GLIS1: variants seen among roughly 807,000 people sequenced by gnomAD.
GLIS1 encodes the protein zinc finger protein GLIS1.
A neutral mutation model predicts 63.8 loss-of-function variants in GLIS1; 24 were observed. That is an observed-to-expected ratio of 0.38 (90% CI 0.27 to 0.53). GLIS1 has a LOEUF of 0.53. Among genes scored for constraint, GLIS1 ranks in the 20% least tolerant of loss-of-function variants. GLIS1 has a pLI of 0.85. For missense variants in GLIS1, 1,036 were observed against 1,074.1 expected, an observed-to-expected ratio of 0.96 and a Z score of 0.50; for synonymous variants, 450 against 482.5, an observed-to-expected ratio of 0.93 and a Z score of 0.88.
intron 2 of GLIS1, among the ~76,000 whole-genome samples, chr1:53,682,479 A>T (rs530686937): frequency 4.6e-5 from 7 of 152,362 alleles, no homozygotes; most frequent in Admixed American, 1.3e-4. Flanking sequence ...TTACCTCTCA[A>T]TATGTGTCCC....
At position 53,686,000 on chromosome 1, in the gene GLIS1, T is replaced by A. The variant is rs3006881; in HGVS notation, c.259+51806A>T. On this transcript the variant is annotated intron_variant, in intron 2 of 10. Transcript: ENST00000628545. Reference sequence around the variant, plus strand: ...GAAACCTGCCCTCCCCCTCTGCCCCTGCCCTTCATCTAGTTTCATCTCCCT... The same window carrying A: ...GAAACCTGCCCTCCCCCTCTGCCCCAGCCCTTCATCTAGTTTCATCTCCCT... 7.8e-3 allele frequency among the ~76,000 whole-genome samples: 1,187 copies of A among 152,226 alleles called. 17 individuals carry two copies. Among genetic ancestry groups the A allele is most frequent in the African/African-American group, 0.027 (1,135 of 41,524 alleles).
chr1:53,688,622 C>T (rs532634234), intron 2 of GLIS1: 1 of 152,450 alleles, frequency 6.6e-6, no homozygotes, highest in African/African-American at 2.4e-5. Context: ...GACTGTCTTG[C>T]TTTCCCCAGG....
chr1:53,538,604 A>G (rs1332780475), intron 4 of GLIS1, among the ~76,000 whole-genome samples: 2 of 152,174 alleles, frequency 1.3e-5, no homozygotes, highest in Admixed American at 1.3e-4. Flanking sequence ...CTGGGCCTTC[A>G]TAAGCAGCTG....
intron 2 of GLIS1, among the ~76,000 whole-genome samples, chr1:53,644,766 T>A (rs887505743): frequency 6.6e-6 from 1 of 152,016 alleles, no homozygotes; most frequent in Non-Finnish European, 1.5e-5. Context: ...TCCGGCATCA[T>A]CCCACAGGCC....
intron 2 of GLIS1, among the ~76,000 whole-genome samples, chr1:53,712,091 G>A (rs1646653100): frequency 6.6e-6 from 1 of 152,152 alleles, no homozygotes; most frequent in African/African-American, 2.4e-5. Flanking sequence ...GCCACTGTTT[G>A]ATTTGAGTCC....
intron 7 of GLIS1, among the ~76,000 whole-genome samples, chr1:53,519,039 C>G (rs1302777165): frequency 6.6e-6 from 1 of 152,244 alleles, no homozygotes; most frequent in African/African-American, 2.4e-5. Flanking sequence ...TTCTTTCTGG[C>G]TGAATCAGGA....
At chr1:53,649,212 A>G (rs192409835) in intron 2 of GLIS1, among the ~76,000 whole-genome samples, 4 of 152,342 alleles carry the variant, frequency 2.6e-5, no homozygotes, top group Non-Finnish European at 4.4e-5. Flanking sequence ...GAATTATAAA[A>G]AGTTTAAATG....
intron 2 of GLIS1, among the ~76,000 whole-genome samples, chr1:53,703,768 T>C (rs1393892167): frequency 2.7e-5 from 4 of 150,320 alleles, no homozygotes; most frequent in Non-Finnish European, 5.9e-5. Context: ...ACAAACCTCC[T>C]AACCCAAGGC....
In GLIS1 at chr1:53,568,465, A is replaced by C. The variant is rs1386174914; in HGVS notation, c.1320+25643T>G. On this transcript the variant is annotated intron_variant, in intron 4 of 10. Transcript: ENST00000628545. ...TGAGTTAACGCTGGAATTAGTTAAG[A>C]CTTTGGGGGACTATTGGGAAGGCGT... is the stretch of plus-strand genomic sequence containing the variant. Among the ~76,000 whole-genome samples the C allele has an allele frequency of 2.0e-5, 3 of 152,144 alleles. No homozygotes were observed. The East Asian group carries it at 5.8e-4, about 29-fold the overall frequency.
At chr1:53,530,372 G>T (rs1206149556) in intron 4 of GLIS1, among the ~76,000 whole-genome samples, 1 of 152,206 alleles carries the variant, frequency 6.6e-6, no homozygotes, top group Non-Finnish European at 1.5e-5. Flanking sequence ...GTCCCAGAGA[G>T]GCTTTGGGCA....
chr1:53,689,731 C>T (rs3013773), intron 2 of GLIS1, among the ~76,000 whole-genome samples: 135,656 of 152,130 alleles, frequency 0.89, 61,175 homozygotes, highest in Non-Finnish European at 0.96. Flanking sequence ...ACCAGACCTC[C>T]CCTGTCCAGG....
At chr1:53,583,982 C>T (rs1290053934) in intron 4 of GLIS1, among the ~76,000 whole-genome samples, 1 of 152,214 alleles carries the variant, frequency 6.6e-6, no homozygotes, top group Non-Finnish European at 1.5e-5. Flanking sequence ...CCCAGCACGA[C>T]ACACTAGGCT....
At chr1:53,543,249 T>C (rs947231637) in intron 4 of GLIS1, among the ~76,000 whole-genome samples, 10 of 152,166 alleles carry the variant, frequency 6.6e-5, no homozygotes, top group Non-Finnish European at 1.5e-4. Flanking sequence ...GGGGAAGTGG[T>C]CCTCCCTCAT....
At chr1:53,585,889 C>G (rs1645130306) in intron 4 of GLIS1, among the ~76,000 whole-genome samples, 1 of 152,216 alleles carries the variant, frequency 6.6e-6, no homozygotes, top group African/African-American at 2.4e-5. Flanking sequence ...ACAGAAACTT[C>G]TGGGGTGAGC....
chr1:53,682,001 G>T (rs1646280467), intron 2 of GLIS1, among the ~76,000 whole-genome samples: 1 of 152,184 alleles, frequency 6.6e-6, no homozygotes, highest in Non-Finnish European at 1.5e-5. Flanking sequence ...AGGCTACTTT[G>T]CAAGTGTTCT....
rs115743972 is a variant in GLIS1, at chr1:53,728,858, T to C, written c.259+8948A>G. On this transcript the variant is annotated intron_variant, in intron 2 of 10. Coordinates refer to ENST00000628545, the MANE Select transcript of GLIS1 (RefSeq NM_001367484.1). ...CGGCACAAAGGCCTTGAATGCCAGA[T>C]CAAAGGGCTCAGATTTTTCCCATTG... 2.0e-3 allele frequency among the ~76,000 whole-genome samples: 309 copies of C among 152,340 alleles called. 2 individuals carry two copies. The highest frequency in any genetic ancestry group is 7.3e-3 in the African/African-American group (302 of 41,584).
chr1:53,712,813 A>T (rs957347241), intron 2 of GLIS1, among the ~76,000 whole-genome samples: 1 of 152,212 alleles, frequency 6.6e-6, no homozygotes, highest in Non-Finnish European at 1.5e-5. Context: ...GGTGCAGGGA[A>T]GAGCCATCAT....
In GLIS1 at chr1:53,594,739, G is replaced by A. The variant is rs771982796; in HGVS notation, c.689C>T (p.Thr230Ile). ...PSSGLGLQPE[T>I]HLPEGSLKRC... ...CTTCAGGCTGCCCTCGGGGAGGTGG[G>A]TCTCGGGCTGGAGGCCCAGGCCAGA... The change falls in exon 4 of 11, where the codon ACC becomes ATC. Residue 230 changes from threonine to isoleucine, a missense_variant. Thr to Ile is a moderately conservative substitution (Grantham distance 89). Coordinates refer to ENST00000628545, the MANE Select transcript of GLIS1 (RefSeq NM_001367484.1). 1 of 1,576,910 alleles carries A rather than the reference G, an allele frequency of 6.3e-7. No individual in the cohort carries two copies. Among genetic ancestry groups the A allele is most frequent in the Non-Finnish European group, 8.6e-7 (1 of 1,161,834 alleles).
chr1:53,519,658 C>T (rs936885980), intron 7 of GLIS1, among the ~76,000 whole-genome samples: 11 of 152,278 alleles, frequency 7.2e-5, no homozygotes, highest in African/African-American at 1.9e-4. Flanking sequence ...CCGTGGCCCA[C>T]GGCTGCTGGG....
Sources: gnomAD v4.1 joint callset for allele counts (sites outside exome capture counted in the v4.1 genomes callset) on GRCh38, gnomAD v4.1.1 for gene constraint, MANE v1.5 for transcripts, NCBI Gene and HGNC (gene_info 2026-07-23, HGNC 2026-07-21) for gene names.